Variants in NSUN2 observed in about 807,000 individuals in gnomAD.
The protein encoded by NSUN2 is NOP2/Sun RNA methyltransferase 2.
A neutral mutation model predicts 92.7 loss-of-function variants in NSUN2; 63 were observed. That is an observed-to-expected ratio of 0.68 (90% CI 0.56 to 0.84). The LOEUF (loss-of-function observed/expected upper bound fraction) is 0.84, where lower values mean the gene tolerates loss of function less well. NSUN2 is among the 40% of genes least tolerant of loss of function. The pLI is 0.00. For missense variants in NSUN2, 989 were observed against 964.9 expected (o/e 1.02, Z -0.33); for synonymous variants, 356 against 348.3 (o/e 1.02, Z -0.25).
intron 10 of NSUN2, 29 bp downstream of exon 10, chr5:6,611,696 T>G (rs1030324690): frequency 1.9e-6 from 3 of 1,604,350 alleles, no homozygotes; most frequent in Admixed American, 1.7e-5. Context: ...ACCTACTCTT[T>G]AGAATGAAAG....
rs763294000 is a variant in NSUN2, at chr5:6,623,245, G to T, written c.506C>A (p.Pro169Gln). 1 of 1,607,484 alleles carries T rather than the reference G, an allele frequency of 6.2e-7. No homozygotes were observed. The highest frequency in any genetic ancestry group is 8.5e-7 in the Non-Finnish European group (1 of 1,178,604). The change falls in exon 5 of 19, where the codon CCA becomes CAA. Residue 169 changes from proline to glutamine, a missense_variant. Pro to Gln is a moderately conservative substitution (Grantham distance 76). Coordinates refer to ENST00000264670, the MANE Select transcript of NSUN2 (RefSeq NM_017755.6). ...ATGAGGCCGCACGTTGAGGAGCAGT[G>T]GTGGGATCATGCTAACAGCTTCTTG... ...SRQEAVSMIP[P>Q]LLLNVRPHHK...
At chr5:6,622,847 CAAAAAAA>C (rs36124758) in intron 5 of NSUN2, among the ~76,000 whole-genome samples, 1 of 126,926 alleles carries the variant, frequency 7.9e-6, no homozygotes, top group Non-Finnish European at 1.6e-5. Flanking sequence ...AACTCCATCT[CAAAAAAA>C]AAAAAAAGAA....
intron 9 of NSUN2, among the ~76,000 whole-genome samples, chr5:6,612,111 AC>A (rs1409333895): frequency 6.6e-6 from 1 of 152,204 alleles, no homozygotes; most frequent in Non-Finnish European, 1.5e-5. Flanking sequence ...ACTGAACCGT[AC>A]ACTTAAAATG....
chr5:6,619,059 C>T (rs1022987035), intron 7 of NSUN2, among the ~76,000 whole-genome samples: 2 of 152,104 alleles, frequency 1.3e-5, no homozygotes, highest in South Asian at 2.1e-4. Context: ...AAGGTCACTG[C>T]GTTCTCAGAT....
At chr5:6,631,708 C>A (rs1172392034) in intron 3 of NSUN2, among the ~76,000 whole-genome samples, 165 bp downstream of exon 3, 1 of 152,164 alleles carries the variant, frequency 6.6e-6, no homozygotes, top group Non-Finnish European at 1.5e-5. Context: ...TGAAAACTTG[C>A]GTAGCAATAT....
chr5:6,632,114 C>T (rs1186712153), intron 2 of NSUN2, 137 bp from the exon 3 acceptor site: 1 of 671,642 alleles, frequency 1.5e-6, no homozygotes, highest in Non-Finnish European at 2.5e-6. Flanking sequence ...TTAGTCACTA[C>T]TTTTACACTG....
chr5:6,606,680 T>G (rs1369191034), intron 14 of NSUN2, 140 bp downstream of exon 14: 2 of 501,136 alleles, frequency 4.0e-6, no homozygotes, highest in Admixed American at 4.2e-5. Flanking sequence ...CCTGCTCTAA[T>G]ATGCAGTTAA....
intron 14 of NSUN2, 79 bp downstream of exon 14, chr5:6,606,741 G>T: frequency 1.3e-6 from 1 of 776,412 alleles, no homozygotes; most frequent in Non-Finnish European, 2.1e-6. Context: ...CAAAACAATG[G>T]TTACATGTGA....
rs775245824 is a variant in NSUN2, at chr5:6,622,014, AC to A, written c.622+1del. On this transcript the variant is annotated splice_donor_variant, in intron 6 of 18. Transcript: ENST00000264670. LOFTEE classifies it high-confidence loss of function. The stretch of plus-strand genomic sequence containing the variant: ...CATTTTGAACACAAGTCCAATGCAT[AC>A]CTGGAAAGGGGACATTCATGTCGGC... 1 of 1,613,086 alleles carries A rather than the reference AC, an allele frequency of 6.2e-7. No individual in the cohort carries two copies. Among genetic ancestry groups the A allele is most frequent in the Non-Finnish European group, 8.5e-7 (1 of 1,179,030 alleles).
intron 4 of NSUN2, among the ~76,000 whole-genome samples, chr5:6,623,969 G>A (rs967512673): frequency 3.3e-5 from 5 of 152,126 alleles, no homozygotes; most frequent in African/African-American, 4.8e-5. Context: ...TACTTTAATC[G>A]CCTTGAAGCT....
intron 12 of NSUN2, among the ~76,000 whole-genome samples, chr5:6,608,134 C>A (rs1736854454): frequency 6.6e-6 from 1 of 152,220 alleles, no homozygotes; most frequent in Non-Finnish European, 1.5e-5. Context: ...CCGGGAGCAT[C>A]CCAGGGAACA....
Position 6,607,214 on chromosome 5 carries a change from T to C in NSUN2, c.1494A>G (p.Lys498=), listed in dbSNP as rs1736812124. 1 of 1,614,108 alleles carries C rather than the reference T, an allele frequency of 6.2e-7. No homozygotes were observed. The highest frequency in any genetic ancestry group is 1.7e-5 in the Admixed American group (1 of 60,006). ...TEDLENNGSK[K]DGVCGPPPSK... ...ACTTTTCTTACCCACACACGCCATCTTTCTTACTGCCATTATTCTCTAAAT... is the reference window on the plus strand; with the variant it reads ...ACTTTTCTTACCCACACACGCCATCCTTCTTACTGCCATTATTCTCTAAAT... The change falls in exon 13 of 19, where the codon AAA becomes AAG. Residue 498 remains lysine (K), a synonymous_variant. Coordinates refer to ENST00000264670, the MANE Select transcript of NSUN2 (RefSeq NM_017755.6).
intron 5 of NSUN2, 106 bp downstream of exon 5, chr5:6,623,107 GA>G (rs1240838865): frequency 1.1e-5 from 9 of 799,136 alleles, no homozygotes; most frequent in South Asian, 4.7e-5. Context: ...GTGAAAAGAA[GA>G]AAAAAAGGAC....
At chr5:6,624,727 G>T (rs1317394940) in intron 4 of NSUN2, among the ~76,000 whole-genome samples, 1 of 152,172 alleles carries the variant, frequency 6.6e-6, no homozygotes, top group African/African-American at 2.4e-5. Flanking sequence ...GCCCAGTTTA[G>T]TCGGTTACTT....
At chr5:6,621,916 A>G in intron 6 of NSUN2, 100 bp downstream of exon 6, 1 of 972,840 alleles carries the variant, frequency 1.0e-6, no homozygotes, top group Admixed American at 1.9e-5. Context: ...GTCATAGGAG[A>G]CTTTAGAGCC....
chr5:6,614,908 A>G (rs1207749800), intron 9 of NSUN2, among the ~76,000 whole-genome samples: 4 of 152,124 alleles, frequency 2.6e-5, no homozygotes, highest in African/African-American at 9.7e-5. Flanking sequence ...AGCCTCTCTC[A>G]CCTAAGAACT....
At chr5:6,631,753 G>A (rs1737906945) in intron 3 of NSUN2, 120 bp downstream of exon 3, 16 of 723,806 alleles carry the variant, frequency 2.2e-5, no homozygotes, top group South Asian at 1.6e-4. Flanking sequence ...TAGAACATTA[G>A]GATGTTTGCA....
intron 3 of NSUN2, among the ~76,000 whole-genome samples, chr5:6,631,270 G>C (rs1432378817): frequency 6.6e-6 from 1 of 152,050 alleles, no homozygotes; most frequent in Non-Finnish European, 1.5e-5. Context: ...TCAGCACAAG[G>C]GATCACCTTC....
intron 9 of NSUN2, among the ~76,000 whole-genome samples, chr5:6,612,340 G>A (rs1207129853): frequency 6.6e-6 from 1 of 152,194 alleles, no homozygotes. Context: ...GAGCAATGCT[G>A]AAAATGAACT....
Sources: allele counts gnomAD v4.1 joint callset (sites outside exome capture counted in the v4.1 genomes callset), GRCh38; gene constraint gnomAD v4.1.1; transcripts MANE v1.5; gene names NCBI Gene and HGNC (gene_info 2026-07-23, HGNC 2026-07-21).